The following SNX7 variants were observed in gnomAD, a reference collection of about 807,000 sequenced individuals.
SNX7 encodes the protein sorting nexin-7.
In SNX7, 35 loss-of-function variants were observed where a neutral mutation model predicts 48.4. That is an observed-to-expected ratio of 0.72 (90% CI 0.55 to 0.96). The LOEUF is 0.96. SNX7 is among the 40% of genes least tolerant of loss of function. The probability of loss-of-function intolerance (pLI) is 0.00; values close to 1 mark genes in which losing one functional copy is unlikely to be tolerated. For synonymous variants in SNX7, 190 were observed against 190.2 expected (o/e 1.00, Z 0.01); for missense variants, 553 against 548.9 (o/e 1.01, Z -0.07).
At chr1:98,726,180 C>A (rs543157016) in intron 7 of SNX7, among the ~76,000 whole-genome samples, 11 of 152,122 alleles carry the variant, frequency 7.2e-5, no homozygotes, top group Non-Finnish European at 1.6e-4. Context: ...AGTTAGGACT[C>A]GAACCCACAG....
chr1:98,682,538 T>C (rs1650558837), intron 1 of SNX7, among the ~76,000 whole-genome samples: 1 of 152,196 alleles, frequency 6.6e-6, no homozygotes, highest in African/African-American at 2.4e-5. Flanking sequence ...GACAATTGCC[T>C]GGATATGTAT....
At chr1:98,694,336 G>C (rs763807011) in intron 4 of SNX7, among the ~76,000 whole-genome samples, 20 of 147,970 alleles carry the variant, frequency 1.4e-4, no homozygotes, top group East Asian at 4.2e-4. Flanking sequence ...TGCCACTGCA[G>C]TCCAGCCTGG....
intron 8 of SNX7, among the ~76,000 whole-genome samples, chr1:98,743,756 TA>T (rs1654186751): frequency 6.6e-6 from 1 of 152,068 alleles, no homozygotes. Flanking sequence ...AATGGTGAAA[TA>T]AATTCTAGTG....
At chr1:98,706,192 A>G (rs556937987) in intron 7 of SNX7, among the ~76,000 whole-genome samples, 1 of 152,312 alleles carries the variant, frequency 6.6e-6, no homozygotes, top group African/African-American at 2.4e-5. Context: ...GGGTTAAAAA[A>G]AGAGTAAATA....
chr1:98,661,526 T>TCCGCCCCTCCAGC (rs1553195103), upstream of SNX7, among the ~76,000 whole-genome samples: 4 of 152,030 alleles, frequency 2.6e-5, no homozygotes, highest in Middle Eastern at 3.2e-3. Flanking sequence ...GAGTCCCAGT[T>TCCGCCCCTCCAGC]CCGCCCCTCC....
At chr1:98,683,388 T>C (rs988455339) in intron 1 of SNX7, among the ~76,000 whole-genome samples, 4 of 152,104 alleles carry the variant, frequency 2.6e-5, no homozygotes, top group African/African-American at 9.7e-5. Context: ...AGAGGAAACT[T>C]CCAACTATGG....
chr1:98,698,013 C>T (rs922333310), intron 5 of SNX7, among the ~76,000 whole-genome samples: 3 of 152,048 alleles, frequency 2.0e-5, no homozygotes, highest in African/African-American at 7.2e-5. Context: ...TCACATTGGA[C>T]CTGGAGAAGC....
intron 5 of SNX7, 73 bp from the exon 6 acceptor site, chr1:98,698,633 T>TA: frequency 7.4e-7 from 1 of 1,343,398 alleles, no homozygotes; most frequent in Non-Finnish European, 1.0e-6. Context: ...GGCCCTTTCT[T>TA]ACTCTCTAGG....
intron 8 of SNX7, among the ~76,000 whole-genome samples, chr1:98,747,288 C>T (rs1010810204): frequency 3.6e-4 from 55 of 152,024 alleles, no homozygotes; most frequent in Non-Finnish European, 4.4e-5. Context: ...GTGTTGATCT[C>T]TAATGCTACT....
intron 8 of SNX7, among the ~76,000 whole-genome samples, chr1:98,748,278 A>T (rs1654404579): frequency 6.6e-6 from 1 of 151,812 alleles, no homozygotes; most frequent in Admixed American, 6.6e-5. Context: ...GAGCCACTGC[A>T]CCCAGCTGGG....
chr1:98,688,143 C>T (rs1357271785), intron 2 of SNX7, among the ~76,000 whole-genome samples: 3 of 152,120 alleles, frequency 2.0e-5, no homozygotes, highest in Middle Eastern at 3.2e-3. Context: ...TGAAAGATGG[C>T]TTTCCTGGGA....
At chr1:98,747,411 G>A (rs557633794) in intron 8 of SNX7, among the ~76,000 whole-genome samples, 1 of 152,280 alleles carries the variant, frequency 6.6e-6, no homozygotes, top group Non-Finnish European at 1.5e-5. Context: ...CAACCAAGTA[G>A]GTGATTAGGA....
intron 7 of SNX7, among the ~76,000 whole-genome samples, chr1:98,723,188 A>G (rs560587838): frequency 1.3e-5 from 2 of 152,180 alleles, no homozygotes; most frequent in Non-Finnish European, 2.9e-5. Context: ...AAAAAGAACA[A>G]CAACCCTGCT....
intron 1 of SNX7, among the ~76,000 whole-genome samples, chr1:98,665,982 A>T (rs182649311): frequency 1.1e-4 from 17 of 152,214 alleles, no homozygotes; most frequent in African/African-American, 4.1e-4. Context: ...TTTCTTTGTC[A>T]ATTTGGAAAT....
Position 98,720,575 on chromosome 1 carries a change from A to G in SNX7, c.1126-17662A>G, listed in dbSNP as rs544211430. Among the ~76,000 whole-genome samples, 3 of 152,216 alleles carry G rather than the reference A, an allele frequency of 2.0e-5. No individual in the cohort carries two copies. The South Asian group carries it at 6.2e-4, about 32-fold the overall frequency. The stretch of plus-strand genomic sequence containing the variant: ...TCCAGTTACATGATCACAACTTTCT[A>G]GAGCCATGCTATACATTATGGTACC... On this transcript the variant is annotated intron_variant, in intron 7 of 8. Coordinates refer to ENST00000306121, the MANE Select transcript of SNX7 (RefSeq NM_015976.5).
intron 7 of SNX7, among the ~76,000 whole-genome samples, chr1:98,728,980 G>T (rs1176745235): frequency 3.3e-5 from 5 of 152,086 alleles, no homozygotes; most frequent in Admixed American, 1.3e-4. Context: ...ACCCCAAAAT[G>T]ACAGAATATG....
At chr1:98,678,745 A>G (rs930509445) in intron 1 of SNX7, among the ~76,000 whole-genome samples, 1 of 152,230 alleles carries the variant, frequency 6.6e-6, no homozygotes, top group African/African-American at 2.4e-5. Flanking sequence ...TATCCACTGA[A>G]TAAAATAGGA....
intron 1 of SNX7, among the ~76,000 whole-genome samples, chr1:98,677,061 C>T (rs556757314): frequency 1.7e-4 from 26 of 152,252 alleles, no homozygotes; most frequent in African/African-American, 6.3e-4. Flanking sequence ...ATCTGTATCA[C>T]TACTTTAGGG....
At chr1:98,704,025 A>T (rs1370952041) in intron 7 of SNX7, among the ~76,000 whole-genome samples, 1 of 152,104 alleles carries the variant, frequency 6.6e-6, no homozygotes, top group Non-Finnish European at 1.5e-5. Flanking sequence ...AAGCACAAGG[A>T]AAAAAATAGC....
Sources: allele counts gnomAD v4.1 joint callset (sites outside exome capture counted in the v4.1 genomes callset), GRCh38; gene constraint gnomAD v4.1.1; transcripts MANE v1.5; gene names NCBI Gene and HGNC (gene_info 2026-07-23, HGNC 2026-07-21).